Variants in SLC24A2 observed in about 807,000 individuals in gnomAD.
SLC24A2 encodes the protein sodium/potassium/calcium exchanger 2.
SLC24A2 carries 36 observed loss-of-function variants against 62.0 expected under a neutral mutation model. The observed-to-expected ratio is 0.58, with a 90% CI of 0.44 to 0.77. The LOEUF is 0.77. Ranked by LOEUF, SLC24A2 falls within the 30% of genes least tolerant of loss-of-function variation. The pLI, the probability that SLC24A2 is intolerant of heterozygous loss-of-function variation, is 0.00. For missense variants in SLC24A2, 846 were observed against 817.9 expected, an observed-to-expected ratio of 1.03 and a Z score of -0.42; for synonymous variants, 358 against 294.0, an observed-to-expected ratio of 1.22 and a Z score of -2.23.
chr9:19,657,426 C>T (rs966978985), intron 2 of SLC24A2, among the ~76,000 whole-genome samples: 2 of 152,054 alleles, frequency 1.3e-5, no homozygotes, highest in Non-Finnish European at 2.9e-5. Flanking sequence ...ATATGCAGAA[C>T]GTGCAGGTTT....
At chr9:19,928,370 G>A in the SLC24A2 span, 2 of 152,268 alleles carry the variant, frequency 1.3e-5, no homozygotes, top group Non-Finnish European at 2.9e-5. Flanking sequence ...GTCTAAAAAG[G>A]TGGAAGGAGA....
At chr9:20,257,076 G>C in the SLC24A2 span, among the ~76,000 whole-genome samples, 1 of 152,078 alleles carries the variant, frequency 6.6e-6, no homozygotes, top group Non-Finnish European at 1.5e-5. Flanking sequence ...AGCACTTTCA[G>C]CTCGTGTAAA....
At chr9:19,830,789 A>C in the SLC24A2 span, among the ~76,000 whole-genome samples, 2 of 152,164 alleles carry the variant, frequency 1.3e-5, no homozygotes, top group African/African-American at 4.8e-5. Flanking sequence ...GAGGACACTG[A>C]ATGAATGGTG....
intron 2 of SLC24A2, among the ~76,000 whole-genome samples, chr9:19,773,523 G>T (rs1368803629): frequency 1.3e-5 from 2 of 152,176 alleles, no homozygotes; most frequent in African/African-American, 4.8e-5. Context: ...TTAGTCATTT[G>T]CTGCTTGAGT....
the SLC24A2 span, among the ~76,000 whole-genome samples, chr9:19,835,458 G>A: frequency 0.79 from 120,596 of 152,042 alleles, 50,535 homozygotes; most frequent in Non-Finnish European, 0.94. Flanking sequence ...TTAAACCAAC[G>A]AAGATCAAAA....
At position 19,786,510 on chromosome 9, in the gene SLC24A2, G is replaced by T. The variant is rs771363776; in HGVS notation, c.357C>A (p.Asp119Glu). The T allele has an allele frequency of 1.9e-6, 3 of 1,614,176 alleles. No individual in the cohort carries two copies. Among genetic ancestry groups the T allele is most frequent in the Non-Finnish European group, 2.5e-6 (3 of 1,180,038 alleles). Residue 119 changes from aspartate (D) to glutamate (E), a missense_variant, in exon 2 of 11, where the codon GAC (aspartate) becomes GAA (glutamate). Asp to Glu is a conservative substitution (Grantham distance 45, BLOSUM62 2). Coordinates refer to ENST00000341998, the MANE Select transcript of SLC24A2 (RefSeq NM_020344.4). This position sits in a 1 kb window ranked among gnomAD's most constrained non-coding sequence, Gnocchi z 5.0. The stretch of plus-strand genomic sequence containing the variant: ...CAAGGGAAAAGATGTCTTTCGGGTA[G>T]TCTCCTTGGGCGTGATCTGTACTAT... ...SENSTDHAQG[D>E]YPKDIFSLEE...
the SLC24A2 span, among the ~76,000 whole-genome samples, chr9:20,185,612 C>T: frequency 1.3e-5 from 2 of 150,548 alleles, no homozygotes; most frequent in East Asian, 2.0e-4. Flanking sequence ...TTGCAGTGAG[C>T]CGAGGTTGCG....
chr9:20,245,702 G>A, the SLC24A2 span, among the ~76,000 whole-genome samples: 2 of 152,184 alleles, frequency 1.3e-5, no homozygotes, highest in African/African-American at 4.8e-5. Flanking sequence ...AATGCAGGGA[G>A]CGATAAAGTC....
chr9:19,905,959 G>A, the SLC24A2 span, among the ~76,000 whole-genome samples: 1 of 152,106 alleles, frequency 6.6e-6, no homozygotes, highest in East Asian at 1.9e-4. Flanking sequence ...ATTGAACTCA[G>A]CTCTGCACCA....
intron 2 of SLC24A2, among the ~76,000 whole-genome samples, chr9:19,680,605 C>CAT (rs3086327): frequency 0.11 from 16,588 of 147,630 alleles, 1,250 homozygotes; most frequent in African/African-American, 0.22. Context: ...AGTTCTATAA[C>CAT]ATATATATAT....
the SLC24A2 span, among the ~76,000 whole-genome samples, chr9:20,303,601 C>T: frequency 0.082 from 12,541 of 152,100 alleles, 1,079 homozygotes; most frequent in East Asian, 0.27. Flanking sequence ...TTTGCCAAAA[C>T]AATCAAGCAA....
the SLC24A2 span, among the ~76,000 whole-genome samples, chr9:19,816,943 T>G: frequency 2.2e-4 from 34 of 152,034 alleles, no homozygotes; most frequent in Admixed American, 4.6e-4. Flanking sequence ...TCACTACCTA[T>G]CTCTGCCACT....
At chr9:20,078,329 C>A in the SLC24A2 span, among the ~76,000 whole-genome samples, 2 of 151,328 alleles carry the variant, frequency 1.3e-5, no homozygotes, top group Non-Finnish European at 2.9e-5. Context: ...CTCCCCAACC[C>A]CCAACCAGAG....
intron 8 of SLC24A2, among the ~76,000 whole-genome samples, chr9:19,541,160 C>G (rs1045065650): frequency 2.7e-5 from 3 of 110,048 alleles, no homozygotes; most frequent in African/African-American, 7.3e-5. Flanking sequence ...AATGTCCTCC[C>G]GTAGCTCAGA....
At chr9:20,170,921 T>G in the SLC24A2 span, among the ~76,000 whole-genome samples, 25 of 152,048 alleles carry the variant, frequency 1.6e-4, no homozygotes, top group African/African-American at 6.0e-4. Context: ...TGTCATCAGG[T>G]TATCTAAAAT....
At chr9:20,013,345 C>T in the SLC24A2 span, among the ~76,000 whole-genome samples, 1 of 152,072 alleles carries the variant, frequency 6.6e-6, no homozygotes, top group African/African-American at 2.4e-5. Context: ...GTTGGAAAAA[C>T]CAAATACATA....
chr9:20,134,122 T>A, the SLC24A2 span, among the ~76,000 whole-genome samples: 1 of 152,148 alleles, frequency 6.6e-6, no homozygotes, highest in Non-Finnish European at 1.5e-5. Flanking sequence ...GCTGTGGATA[T>A]GGAGAGCCAG....
At chr9:19,885,633 T>C in the SLC24A2 span, among the ~76,000 whole-genome samples, 130 of 152,280 alleles carry the variant, frequency 8.5e-4, no homozygotes, top group South Asian at 2.7e-3. Flanking sequence ...GGGGTACATG[T>C]ACAGGGTTGG....
intron 4 of SLC24A2, among the ~76,000 whole-genome samples, chr9:19,611,523 C>A (rs1239836284): frequency 6.6e-6 from 1 of 151,658 alleles, no homozygotes; most frequent in East Asian, 1.9e-4. Context: ...TGCAGGGGTT[C>A]TGGGGCCGCT....
Sources: allele counts gnomAD v4.1 joint callset (sites outside exome capture counted in the v4.1 genomes callset), GRCh38; gene constraint gnomAD v4.1.1; non-coding constraint Gnocchi (gnomAD v3.1); transcripts MANE v1.5; gene names NCBI Gene and HGNC (gene_info 2026-07-23, HGNC 2026-07-21).